The following TNIP1 variants were observed in gnomAD, a reference collection of about 807,000 sequenced individuals.
The protein encoded by TNIP1 is TNFAIP3 interacting protein 1.
A neutral mutation model predicts 86.6 loss-of-function variants in TNIP1; 22 were observed. The observed-to-expected ratio is 0.25, with a 90% CI of 0.18 to 0.36. The LOEUF (loss-of-function observed/expected upper bound fraction) is 0.36. Ranked by LOEUF, TNIP1 falls within the 10% of genes least tolerant of loss-of-function variation. The pLI is 1.00. For missense variants in TNIP1, 709 were observed against 820.6 expected (o/e 0.86, Z 1.66); for synonymous variants, 294 against 313.0 (o/e 0.94, Z 0.64).
At chr5:151,032,056 TCC>T in intron 17 of TNIP1, 1 of 540,408 alleles carries the variant, frequency 1.9e-6, no homozygotes, top group South Asian at 2.5e-5. Context: ...TCTCTAGGCA[TCC>T]ATAGCACCTA....
At chr5:151,048,004 G>A (rs555186794) in intron 8 of TNIP1, among the ~76,000 whole-genome samples, 2 of 152,336 alleles carry the variant, frequency 1.3e-5, no homozygotes, top group Admixed American at 1.3e-4. Context: ...TGGGTGCAGA[G>A]CTTGCCCCCT....
chr5:151,055,838 G>A (rs1393875712), intron 6 of TNIP1, among the ~76,000 whole-genome samples: 2 of 152,156 alleles, frequency 1.3e-5, no homozygotes, highest in Admixed American at 6.5e-5. Context: ...CTAAGGTGGC[G>A]GGCACTCAGA....
At chr5:151,066,915 T>C (rs924688546) in intron 1 of TNIP1, among the ~76,000 whole-genome samples, 4 of 152,300 alleles carry the variant, frequency 2.6e-5, no homozygotes, top group Admixed American at 1.3e-4. Context: ...TCTGGGCAGT[T>C]TCCCTTGCCC....
chr5:151,042,666 A>T lies in TNIP1; in HGVS notation c.1008T>A (p.Thr336=), dbSNP rs1758588613. 7 of 1,613,932 alleles carry T rather than the reference A, an allele frequency of 4.3e-6. No homozygotes were observed. The highest frequency in any genetic ancestry group is 5.9e-6 in the Non-Finnish European group (7 of 1,180,022). The change falls in exon 11 of 18, where the codon ACT becomes ACA. Residue 336 remains threonine, a synonymous_variant. Coordinates refer to ENST00000521591, the MANE Select transcript of TNIP1 (RefSeq NM_006058.5). ...AATCAGCCAGCTTCTGACGCAGCTC[A>T]GTGATCTGGGTTCAGAGGCAGAGAG... The part of the protein sequence containing the change: ...SMKQQYEQKI[T]ELRQKLADLQ...
At chr5:151,052,803 C>T (rs879154281) in intron 6 of TNIP1, among the ~76,000 whole-genome samples, 2 of 152,166 alleles carry the variant, frequency 1.3e-5, no homozygotes, top group Admixed American at 1.3e-4. Context: ...CCTGAGCTCC[C>T]GGAGGGCTGG....
At chr5:151,036,985 G>T (rs1757792875) in intron 12 of TNIP1, 64 bp from the exon 13 acceptor site, 4 of 1,515,666 alleles carry the variant, frequency 2.6e-6, no homozygotes, top group Non-Finnish European at 3.5e-6. Flanking sequence ...CTTTGGAGGG[G>T]TCATCCTCAG....
chr5:151,071,672 G>A (rs763869539), intron 1 of TNIP1, among the ~76,000 whole-genome samples: 1 of 151,996 alleles, frequency 6.6e-6, no homozygotes, highest in African/African-American at 2.4e-5. Context: ...GCTGACATCC[G>A]CAGCCCTGTG....
intron 9 of TNIP1, among the ~76,000 whole-genome samples, chr5:151,044,704 C>T (rs185682538): frequency 1.3e-5 from 2 of 152,228 alleles, no homozygotes; most frequent in Non-Finnish European, 2.9e-5. Context: ...ACAGACAGAA[C>T]AAGTGTCTAC....
intron 5 of TNIP1, 21 bp from the exon 6 acceptor site, chr5:151,056,978 C>G: frequency 6.9e-7 from 1 of 1,439,306 alleles, no homozygotes; most frequent in Non-Finnish European, 9.1e-7. Flanking sequence ...AAAGGGCACA[C>G]GGCCCACTCT....
intron 1 of TNIP1, among the ~76,000 whole-genome samples, chr5:151,079,861 G>C (rs895944550): frequency 6.6e-6 from 1 of 151,988 alleles, no homozygotes; most frequent in Admixed American, 6.5e-5. Context: ...ATCAGATGCC[G>C]AATTCCCCTC....
chr5:151,064,646 A>C (rs1762012144), intron 2 of TNIP1, among the ~76,000 whole-genome samples: 1 of 152,182 alleles, frequency 6.6e-6, no homozygotes, highest in South Asian at 2.1e-4. Flanking sequence ...CCCCAGAAAG[A>C]GGAGACCACT....
intron 13 of TNIP1, 47 bp downstream of exon 13, chr5:151,036,743 A>G: frequency 6.2e-7 from 1 of 1,612,918 alleles, no homozygotes; most frequent in Non-Finnish European, 8.5e-7. Flanking sequence ...GGAAAGCTCC[A>G]GCTCCCACAG....
At position 151,056,961 on chromosome 5, in the gene TNIP1, G is replaced by C; in HGVS notation, c.436-4C>G. ...CACGGGGCAGGGGGCCCAGCGCCTG[G>C]AGAGGGAAAGGGCACACGGCCCACT... On this transcript the variant is annotated splice_polypyrimidine_tract_variant and splice_region_variant and intron_variant, in intron 5 of 17. Coordinates refer to ENST00000521591, the MANE Select transcript of TNIP1 (RefSeq NM_006058.5). The C allele has an allele frequency of 6.7e-7, 1 of 1,494,900 alleles. No homozygotes were observed. Among genetic ancestry groups the C allele is most frequent in the Non-Finnish European group, 8.9e-7 (1 of 1,119,698 alleles). 92.6% of individuals were successfully genotyped at this position (1,494,900 alleles called of 1,614,324 possible).
At chr5:151,082,537 T>C (rs1184029412), upstream of TNIP1, among the ~76,000 whole-genome samples, 1 of 152,170 alleles carries the variant, frequency 6.6e-6, no homozygotes, top group African/African-American at 2.4e-5. Flanking sequence ...AGGGCTCTCT[T>C]CCTATTCCCA....
At chr5:151,033,433 A>G in intron 16 of TNIP1, 175 bp downstream of exon 16, 1 of 455,602 alleles carries the variant, frequency 2.2e-6, no homozygotes, top group Non-Finnish European at 3.9e-6. Context: ...CTGTGGCCAG[A>G]TCCCTGCCCC....
rs918204977 is a variant in TNIP1, at chr5:151,070,242, T to C, written c.-36-5111A>G. On this transcript the variant is annotated intron_variant, in intron 1 of 17. Transcript: ENST00000521591. ...TACTTTAGGCAATACTTCCTGATTA[T>C]CTGATTTAACAAGAAACACATCTTT... Among the ~76,000 whole-genome samples the C allele has an allele frequency of 9.2e-5, 14 of 152,252 alleles. 2 individuals are homozygous for C. The highest frequency in any genetic ancestry group is 8.5e-4 in the Admixed American group (13 of 15,286).
chr5:151,035,597 G>T lies in TNIP1; in HGVS notation c.1506C>A (p.Thr502=), dbSNP rs779301336. The T allele has an allele frequency of 1.2e-6, 2 of 1,614,028 alleles. No individual in the cohort carries two copies. The highest frequency in any genetic ancestry group is 2.7e-5 in the African/African-American group (2 of 74,916). ...TCACTCTTACCTGGGCATTTGACAGGGTGACCTGGGCCTGCAGCTTCTCCA... is the reference window on the plus strand; with the variant it reads ...TCACTCTTACCTGGGCATTTGACAGTGTGACCTGGGCCTGCAGCTTCTCCA... The part of the protein sequence containing the change: ...KQVEKLQAQV[T]LSNAQLKAFK... The change falls in exon 14 of 18, where the codon ACC becomes ACA. Residue 502 remains threonine, a synonymous_variant. Transcript: ENST00000521591.
chr5:151,052,866 G>A lies in TNIP1; in HGVS notation c.628-607C>T, dbSNP rs547006703. ...CCAGATCCCCAGCCCCCAGCTCAAA[G>A]TTTGTGGAAGGAACAACATGACTGA... On this transcript the variant is annotated intron_variant, in intron 6 of 17. Coordinates refer to ENST00000521591, the MANE Select transcript of TNIP1 (RefSeq NM_006058.5). Among the ~76,000 whole-genome samples the A allele has an allele frequency of 1.8e-3, 268 of 152,288 alleles. 1 individual carries two copies. The highest frequency in any genetic ancestry group is 6.8e-3 in the Middle Eastern group (2 of 294).
Position 151,056,967 on chromosome 5 carries a change from G to C in TNIP1, c.436-10C>G. 6.8e-7 allele frequency: 1 copy of C among 1,477,628 alleles called. No individual in the cohort carries two copies. Among genetic ancestry groups the C allele is most frequent in the Non-Finnish European group, 9.0e-7 (1 of 1,110,926 alleles). The allele number at this position is 1,477,628 out of a possible 1,614,324, so 91.5% of individuals were successfully genotyped here. On this transcript the variant is annotated splice_polypyrimidine_tract_variant and intron_variant, in intron 5 of 17. Coordinates refer to ENST00000521591, the MANE Select transcript of TNIP1 (RefSeq NM_006058.5). Reference sequence around the variant, plus strand: ...GCAGGGGGCCCAGCGCCTGGAGAGGGAAAGGGCACACGGCCCACTCTTCAC... The same window carrying C: ...GCAGGGGGCCCAGCGCCTGGAGAGGCAAAGGGCACACGGCCCACTCTTCAC...
Sources: allele counts gnomAD v4.1 joint callset (sites outside exome capture counted in the v4.1 genomes callset), GRCh38; gene constraint gnomAD v4.1.1; transcripts MANE v1.5; gene names NCBI Gene and HGNC (gene_info 2026-07-23, HGNC 2026-07-21).